SLCO6A1: variants seen among roughly 807,000 people sequenced by gnomAD.
SLCO6A1 encodes cancer/testis antigen 48.
In SLCO6A1, 65 loss-of-function variants were observed where a neutral mutation model predicts 72.7. That is an observed-to-expected ratio of 0.89 (90% confidence interval 0.73 to 1.10). The LOEUF is 1.10. Among genes scored for constraint, SLCO6A1 ranks in the 50% least tolerant of loss-of-function variants. The pLI is 0.00. For synonymous variants in SLCO6A1, 314 were observed against 298.2 expected, an observed-to-expected ratio of 1.05 and a Z score of -0.55; for missense variants, 874 against 872.6, an observed-to-expected ratio of 1.00 and a Z score of -0.02.
At chr5:102,391,688 A>G (rs769542020) in intron 10 of SLCO6A1, among the ~76,000 whole-genome samples, 6 of 152,066 alleles carry the variant, frequency 3.9e-5, no homozygotes, top group Non-Finnish European at 4.4e-5. Context: ...GAGGTAATGC[A>G]CTATTATTTG....
intron 4 of SLCO6A1, among the ~76,000 whole-genome samples, chr5:102,465,414 C>G (rs1239131655): frequency 6.6e-6 from 1 of 152,026 alleles, no homozygotes; most frequent in African/African-American, 2.4e-5. Context: ...GTAAATTGCT[C>G]AATATAATGA....
At chr5:102,457,421 C>T (rs1204413280) in intron 6 of SLCO6A1, among the ~76,000 whole-genome samples, 1 of 151,818 alleles carries the variant, frequency 6.6e-6, no homozygotes, top group African/African-American at 2.4e-5. Context: ...AAAAAACAAC[C>T]CCATCAAAAA....
chr5:102,416,338 G>A (rs1748283734), intron 8 of SLCO6A1, among the ~76,000 whole-genome samples: 1 of 151,622 alleles, frequency 6.6e-6, no homozygotes, highest in Non-Finnish European at 1.5e-5. Context: ...TAAAAAATGT[G>A]ATATATAAAT....
intron 13 of SLCO6A1, among the ~76,000 whole-genome samples, chr5:102,372,723 T>C (rs770133567): frequency 3.3e-5 from 5 of 150,774 alleles, no homozygotes; most frequent in Non-Finnish European, 7.4e-5. Flanking sequence ...CAGGTAGAAG[T>C]ATATGAGTAT....
chr5:102,463,942 C>G (rs1330374818), intron 4 of SLCO6A1, among the ~76,000 whole-genome samples: 1 of 151,212 alleles, frequency 6.6e-6, no homozygotes, highest in African/African-American at 2.4e-5. Context: ...TTGCAGCAAC[C>G]TGGATGGAAC....
chr5:102,373,486 A>G lies in SLCO6A1; in HGVS notation c.2026T>C (p.Cys676Arg). The change falls in exon 13 of 14, where the codon TGC (cysteine) becomes CGC (arginine). Residue 676 changes from cysteine to arginine, a missense_variant. By Grantham distance (180) the Cys-to-Arg change is radical. Coordinates refer to ENST00000506729, the MANE Select transcript of SLCO6A1 (RefSeq NM_173488.5). ...GTGAAGATGATAGTGCATAGTTTGCAAAGAAAACCTAAATTTAAAAAATGC... is the reference window on the plus strand; with the variant it reads ...GTGAAGATGATAGTGCATAGTTTGCGAAGAAAACCTAAATTTAAAAAATGC... ...AFLLVGICFLCKLCTIIFTTI... is the reference protein window; with the variant it reads ...AFLLVGICFLRKLCTIIFTTI... 1 of 1,471,480 alleles carries G rather than the reference A, an allele frequency of 6.8e-7. No homozygotes were observed. Among genetic ancestry groups the G allele is most frequent in the Non-Finnish European group, 9.0e-7 (1 of 1,110,160 alleles). 91.2% of individuals were successfully genotyped at this position (1,471,480 alleles called of 1,614,324 possible). A position where few individuals can be genotyped will look rare whatever the true frequency, so the allele number is the denominator to read the frequency against.
intron 3 of SLCO6A1, among the ~76,000 whole-genome samples, chr5:102,476,989 G>C (rs558296571): frequency 6.6e-6 from 1 of 152,112 alleles, no homozygotes; most frequent in South Asian, 2.1e-4. Context: ...CTTATTGTAG[G>C]ATACAGTGGC....
In SLCO6A1 at chr5:102,439,100, G is replaced by C. The variant is rs796243218; in HGVS notation, c.1132-339C>G. On this transcript the variant is annotated intron_variant, in intron 6 of 13. Coordinates refer to ENST00000506729, the MANE Select transcript of SLCO6A1 (RefSeq NM_173488.5). ...AGGTAAATTATTAACCATATATCTA[G>C]AATTTCTCCTTACTTTTGCTTCTCT... Among the ~76,000 whole-genome samples, 32 of 151,834 alleles carry C rather than the reference G, an allele frequency of 2.1e-4. 1 individual carries two copies. The highest frequency in any genetic ancestry group is 7.7e-4 in the African/African-American group (32 of 41,446).
intron 1 of SLCO6A1, among the ~76,000 whole-genome samples, chr5:102,487,413 C>T (rs2112850324): frequency 6.6e-6 from 1 of 152,232 alleles, no homozygotes; most frequent in East Asian, 1.9e-4. Context: ...TACCAAATAA[C>T]AAAATCATAA....
intron 7 of SLCO6A1, among the ~76,000 whole-genome samples, chr5:102,430,252 G>A (rs1357048925): frequency 6.6e-6 from 1 of 152,138 alleles, no homozygotes. Context: ...TTTGCAAACA[G>A]GGATAGTTTG....
chr5:102,498,957 C>G lies in SLCO6A1; in HGVS notation c.-113G>C, dbSNP rs1753047376. The stretch of plus-strand genomic sequence containing the variant: ...AGGGCGTCGGAGGACTCGGTGGCCA[C>G]AAGGGGCTCTTGCCGCCCAAGCCTC... On this transcript the variant is annotated 5_prime_UTR_variant, in exon 1 of 14. Coordinates refer to ENST00000506729, the MANE Select transcript of SLCO6A1 (RefSeq NM_173488.5). The G allele has an allele frequency of 9.8e-7, 1 of 1,020,924 alleles. No homozygotes were observed. The highest frequency in any genetic ancestry group is 1.4e-6 in the Non-Finnish European group (1 of 698,104). 63.2% of individuals were successfully genotyped at this position (1,020,924 alleles called of 1,614,324 possible).
At chr5:102,405,070 AC>A (rs1747601638) in intron 9 of SLCO6A1, among the ~76,000 whole-genome samples, 1 of 152,150 alleles carries the variant, frequency 6.6e-6, no homozygotes, top group African/African-American at 2.4e-5. Flanking sequence ...ATACAATTTT[AC>A]AGCATTTAAA....
At chr5:102,441,542 C>A (rs1361595257) in intron 6 of SLCO6A1, among the ~76,000 whole-genome samples, 2 of 152,162 alleles carry the variant, frequency 1.3e-5, no homozygotes, top group African/African-American at 4.8e-5. Flanking sequence ...CCTTATTCTG[C>A]CATACAAATT....
chr5:102,375,405 G>A (rs1350954200), intron 12 of SLCO6A1, among the ~76,000 whole-genome samples: 1 of 152,046 alleles, frequency 6.6e-6, no homozygotes, highest in Non-Finnish European at 1.5e-5. Flanking sequence ...CTCCACTTAG[G>A]TAGAATAACA....
intron 1 of SLCO6A1, among the ~76,000 whole-genome samples, chr5:102,491,872 C>T (rs887468769): frequency 1.3e-5 from 2 of 152,242 alleles, no homozygotes; most frequent in Non-Finnish European, 2.9e-5. Flanking sequence ...AGAGAGCGAG[C>T]GAGGGCTGTG....
intron 13 of SLCO6A1, among the ~76,000 whole-genome samples, chr5:102,372,417 C>T (rs2123135): frequency 0.65 from 98,146 of 151,588 alleles, 31,971 homozygotes; most frequent in African/African-American, 0.67. Flanking sequence ...GAACCTTGTT[C>T]CACAACAATC....
At chr5:102,421,013 G>A in intron 7 of SLCO6A1, among the ~76,000 whole-genome samples, 1 of 152,078 alleles carries the variant, frequency 6.6e-6, no homozygotes, top group Non-Finnish European at 1.5e-5. Context: ...GAAGCAGAAG[G>A]GGCTGGGGAA....
chr5:102,391,505 T>C (rs977848068), intron 10 of SLCO6A1, among the ~76,000 whole-genome samples: 4 of 152,138 alleles, frequency 2.6e-5, no homozygotes, highest in African/African-American at 9.7e-5. Flanking sequence ...TGGCTACTGA[T>C]TGGGACACTT....
At chr5:102,455,477 A>T (rs1750660738) in intron 6 of SLCO6A1, among the ~76,000 whole-genome samples, 1 of 152,110 alleles carries the variant, frequency 6.6e-6, no homozygotes, top group African/African-American at 2.4e-5. Context: ...GTGTTTTTTA[A>T]CTCTACAATG....
Sources: gnomAD v4.1 joint callset for allele counts (sites outside exome capture counted in the v4.1 genomes callset) on GRCh38, gnomAD v4.1.1 for gene constraint, MANE v1.5 for transcripts, NCBI Gene and HGNC (gene_info 2026-07-23, HGNC 2026-07-21) for gene names.